The following DNM3 variants were observed in gnomAD, a reference collection of about 807,000 sequenced individuals.
The protein encoded by DNM3 is dynamin-3.
In DNM3, 47 loss-of-function variants were observed where a neutral mutation model predicts 101.6. The ratio of observed to expected loss-of-function variants is 0.46; its 90% CI spans 0.37 to 0.59. The LOEUF (loss-of-function observed/expected upper bound fraction) is 0.59, where lower values mean the gene tolerates loss of function less well. Ranked by LOEUF, DNM3 falls within the 20% of genes least tolerant of loss-of-function variation. The probability of loss-of-function intolerance (pLI) is 0.00; values close to 1 mark genes in which losing one functional copy is unlikely to be tolerated. For missense variants in DNM3, 849 were observed against 1,085.7 expected, an observed-to-expected ratio of 0.78 and a Z score of 3.06; for synonymous variants, 385 against 387.9, an observed-to-expected ratio of 0.99 and a Z score of 0.09.
At chr1:171,841,940 G>A in intron 1 of DNM3, 123 bp downstream of exon 1, 1 of 918,370 alleles carries the variant, frequency 1.1e-6, no homozygotes. Context: ...TGGAATGGGG[G>A]GCAGAGTGGA....
At chr1:172,084,199 C>T (rs182676644) in intron 12 of DNM3, among the ~76,000 whole-genome samples, 1 of 152,028 alleles carries the variant, frequency 6.6e-6, no homozygotes, top group Non-Finnish European at 1.5e-5. Context: ...TCTTGTATAC[C>T]TTTCAGGATT....
At chr1:172,012,156 G>C (rs568850873) in intron 4 of DNM3, among the ~76,000 whole-genome samples, 2 of 151,988 alleles carry the variant, frequency 1.3e-5, no homozygotes, top group Non-Finnish European at 2.9e-5. Flanking sequence ...GCAAACAATA[G>C]TCCTAGGTGA....
intron 14 of DNM3, among the ~76,000 whole-genome samples, chr1:172,169,433 A>G (rs1216531900): frequency 1.3e-5 from 2 of 151,924 alleles, no homozygotes; most frequent in East Asian, 1.9e-4. Flanking sequence ...TTTTCATCCT[A>G]TCATTGGGCA....
chr1:171,941,519 C>T (rs1184773101), intron 2 of DNM3, among the ~76,000 whole-genome samples: 6 of 152,132 alleles, frequency 3.9e-5, no homozygotes, highest in Admixed American at 6.5e-5. Flanking sequence ...GGAGAATACT[C>T]CCCCTCAGGA....
chr1:172,072,556 A>G (rs2052284668), intron 11 of DNM3, among the ~76,000 whole-genome samples: 2 of 152,210 alleles, frequency 1.3e-5, no homozygotes, highest in African/African-American at 2.4e-5. Context: ...TACTAATTAT[A>G]TATATGTATA....
chr1:172,384,721 G>C (rs1299944476), intron 18 of DNM3, among the ~76,000 whole-genome samples: 7 of 152,112 alleles, frequency 4.6e-5, no homozygotes, highest in Admixed American at 4.6e-4. Flanking sequence ...ATCTATTCTT[G>C]GAAGAATCTT....
Position 172,028,403 on chromosome 1 carries a change from A to C in DNM3, c.590-3999A>C, listed in dbSNP as rs547143628. On this transcript the variant is annotated intron_variant, in intron 4 of 20. Transcript: ENST00000627582. Reference sequence around the variant, plus strand: ...AGACACAACGTACCAGAATCTCTGGAACACAGCTAAAGCAGTGTTTATAGA... The same window carrying C: ...AGACACAACGTACCAGAATCTCTGGCACACAGCTAAAGCAGTGTTTATAGA... 8.5e-5 allele frequency among the ~76,000 whole-genome samples: 13 copies of C among 152,298 alleles called. No individual in the cohort carries two copies. In the East Asian group the frequency reaches 2.5e-3, roughly 29 times the overall value.
intron 14 of DNM3, among the ~76,000 whole-genome samples, chr1:172,234,011 A>G (rs1386229841): frequency 1.3e-5 from 2 of 152,148 alleles, no homozygotes; most frequent in Admixed American, 6.5e-5. Context: ...CACCACTCCT[A>G]TTCAACATAG....
chr1:172,197,927 T>C (rs1354337294), intron 14 of DNM3, among the ~76,000 whole-genome samples: 1 of 152,066 alleles, frequency 6.6e-6, no homozygotes, highest in Non-Finnish European at 1.5e-5. Context: ...TTGCTCTGGC[T>C]AGGACTTCCA....
At chr1:172,386,336 A>C (rs1337259599) in intron 18 of DNM3, among the ~76,000 whole-genome samples, 2 of 152,180 alleles carry the variant, frequency 1.3e-5, no homozygotes, top group Non-Finnish European at 2.9e-5. Flanking sequence ...GATGAGATAC[A>C]GTAGCTGGCG....
At chr1:172,062,517 C>G (rs898592315) in intron 10 of DNM3, among the ~76,000 whole-genome samples, 2 of 151,980 alleles carry the variant, frequency 1.3e-5, no homozygotes, top group East Asian at 1.9e-4. Context: ...CATCTTATAC[C>G]TCACCACTTC....
intron 17 of DNM3, chr1:172,378,273 A>C (rs1004935038): frequency 6.6e-6 from 1 of 152,090 alleles, no homozygotes; most frequent in African/African-American, 2.4e-5. Flanking sequence ...TGGATAAGCC[A>C]ACATTAATTA....
intron 14 of DNM3, among the ~76,000 whole-genome samples, chr1:172,190,909 G>A (rs1162228832): frequency 1.3e-5 from 2 of 152,158 alleles, no homozygotes; most frequent in Admixed American, 6.6e-5. Flanking sequence ...GTAGATTCTG[G>A]ATATTAGCCT....
intron 16 of DNM3, among the ~76,000 whole-genome samples, chr1:172,315,522 C>T (rs111291525): frequency 0.018 from 2,790 of 152,158 alleles, 75 homozygotes; most frequent in African/African-American, 0.062. Flanking sequence ...ACTAGAATAA[C>T]CAATACAGAG....
Position 172,048,603 on chromosome 1 carries a change from T to C in DNM3, c.1197-9T>C. ...AAATCTCATGGGCTGCTTGCTTTCT[T>C]ACCTTCAGGACAGGGTTGTTTACTC... On this transcript the variant is annotated splice_polypyrimidine_tract_variant and intron_variant, in intron 9 of 20. Coordinates refer to ENST00000627582, the MANE Select transcript of DNM3 (RefSeq NM_015569.5). The C allele has an allele frequency of 6.3e-7, 1 of 1,595,566 alleles. No individual in the cohort carries two copies.
chr1:171,999,608 T>C (rs904058359), intron 4 of DNM3, among the ~76,000 whole-genome samples: 1 of 152,074 alleles, frequency 6.6e-6, no homozygotes, highest in Non-Finnish European at 1.5e-5. Context: ...CCAAGAAAGA[T>C]ATATGTAAAG....
chr1:171,887,538 A>G (rs1339559517), intron 1 of DNM3, among the ~76,000 whole-genome samples: 2 of 152,220 alleles, frequency 1.3e-5, no homozygotes. Context: ...TTGCCAGGGT[A>G]TCTCAGTGTA....
At chr1:172,233,048 C>G (rs1405831325) in intron 14 of DNM3, among the ~76,000 whole-genome samples, 2 of 152,104 alleles carry the variant, frequency 1.3e-5, no homozygotes, top group African/African-American at 4.8e-5. Context: ...CAGAGCAGAA[C>G]TGAAGGAGAT....
chr1:172,116,084 T>G (rs1044001669), intron 13 of DNM3, among the ~76,000 whole-genome samples: 3 of 152,240 alleles, frequency 2.0e-5, no homozygotes, highest in African/African-American at 7.2e-5. Flanking sequence ...TCTTTGGCTC[T>G]AAAAAGGTAG....
Sources: allele counts gnomAD v4.1 joint callset (sites outside exome capture counted in the v4.1 genomes callset), GRCh38; gene constraint gnomAD v4.1.1; transcripts MANE v1.5; gene names NCBI Gene and HGNC (gene_info 2026-07-23, HGNC 2026-07-21).